The following CACNA2D3 variants were observed in gnomAD, a reference collection of about 807,000 sequenced individuals.
CACNA2D3 encodes the protein calcium voltage-gated channel auxiliary subunit alpha2delta 3.
In CACNA2D3, 60 loss-of-function variants were observed where a neutral mutation model predicts 160.6. The ratio of observed to expected loss-of-function variants is 0.37; its 90% CI spans 0.30 to 0.46. CACNA2D3 has a LOEUF of 0.46. Ranked by LOEUF, CACNA2D3 falls within the 20% of genes least tolerant of loss-of-function variation. CACNA2D3 has a pLI of 1.00. For synonymous variants in CACNA2D3, 558 were observed against 492.9 expected, an observed-to-expected ratio of 1.13 and a Z score of -1.75; for missense variants, 1,205 against 1,365.0, an observed-to-expected ratio of 0.88 and a Z score of 1.85.
intron 11 of CACNA2D3, among the ~76,000 whole-genome samples, chr3:54,750,088 G>C (rs1195414707): frequency 6.6e-6 from 1 of 152,180 alleles, no homozygotes; most frequent in Non-Finnish European, 1.5e-5. Context: ...TTTCCAAATA[G>C]GTTGCCATCT....
chr3:55,064,867 T>C (rs1704600163), intron 35 of CACNA2D3, among the ~76,000 whole-genome samples: 1 of 152,040 alleles, frequency 6.6e-6, no homozygotes, highest in African/African-American at 2.4e-5. Context: ...CATTAAGATA[T>C]ATAGGGAAAC....
chr3:54,195,425 C>T (rs948917070), intron 2 of CACNA2D3, among the ~76,000 whole-genome samples: 3 of 152,196 alleles, frequency 2.0e-5, no homozygotes, highest in African/African-American at 7.2e-5. Context: ...GAGAGTCTGA[C>T]ACAGAGATGC....
rs1699373463 is a variant in CACNA2D3 at position 54,636,456 on chromosome 3, T to A, written c.1054-5672T>A. Among the ~76,000 whole-genome samples the A allele has an allele frequency of 1.3e-5, 2 of 151,934 alleles. 1 individual carries two copies. Among genetic ancestry groups the A allele is most frequent in the South Asian group, 4.1e-4 (2 of 4,822 alleles). ...AAGGAGCCAGGGAGCAGAAAGCATATGCGTCAGGTATGAGGAAGAAAATAG... is the reference window on the plus strand; with the variant it reads ...AAGGAGCCAGGGAGCAGAAAGCATAAGCGTCAGGTATGAGGAAGAAAATAG... On this transcript the variant is annotated intron_variant, in intron 10 of 37. Transcript: ENST00000474759.
intron 14 of CACNA2D3, among the ~76,000 whole-genome samples, chr3:54,817,336 C>T (rs935560461): frequency 2.6e-5 from 4 of 152,162 alleles, no homozygotes; most frequent in African/African-American, 9.7e-5. Context: ...CCTTTGCTAG[C>T]TTCATCATCC....
chr3:54,416,778 AAT>A (rs1308379980), intron 4 of CACNA2D3, among the ~76,000 whole-genome samples: 1 of 152,194 alleles, frequency 6.6e-6, no homozygotes, highest in African/African-American at 2.4e-5. Flanking sequence ...TGCAATTATA[AAT>A]ATATAACTAT....
At chr3:55,034,808 A>C (rs967307152) in intron 35 of CACNA2D3, among the ~76,000 whole-genome samples, 1 of 152,136 alleles carries the variant, frequency 6.6e-6, no homozygotes, top group African/African-American at 2.4e-5. Flanking sequence ...AACACCACTT[A>C]GGCTCTTAAT....
At chr3:55,059,417 C>A (rs1321076714) in intron 35 of CACNA2D3, among the ~76,000 whole-genome samples, 2 of 152,152 alleles carry the variant, frequency 1.3e-5, no homozygotes, top group Admixed American at 6.5e-5. Flanking sequence ...AGTTATCTGA[C>A]CCCCCTCGCA....
At chr3:55,061,134 A>G (rs1704496692) in intron 35 of CACNA2D3, among the ~76,000 whole-genome samples, 2 of 152,270 alleles carry the variant, frequency 1.3e-5, no homozygotes, top group African/African-American at 2.4e-5. Context: ...CCTGCAGGCA[A>G]AGCATCCTTC....
At chr3:54,731,975 C>G (rs1371414237) in intron 11 of CACNA2D3, among the ~76,000 whole-genome samples, 1 of 152,184 alleles carries the variant, frequency 6.6e-6, no homozygotes, top group Non-Finnish European at 1.5e-5. Flanking sequence ...CATTTTCCCT[C>G]TTATCTTCAT....
chr3:54,183,892 GAAAAAAAAAAAA>G (rs58956795), intron 2 of CACNA2D3, among the ~76,000 whole-genome samples: 13 of 80,798 alleles, frequency 1.6e-4, no homozygotes, highest in African/African-American at 4.0e-4. Context: ...TCTCAAAAAA[GAAAAAAAAAAAA>G]AAAAAAAAAA....
At chr3:54,579,799 A>G (rs1702644336) in intron 8 of CACNA2D3, among the ~76,000 whole-genome samples, 1 of 152,130 alleles carries the variant, frequency 6.6e-6, no homozygotes, top group Non-Finnish European at 1.5e-5. Context: ...TCCTGAGCTG[A>G]TGTTCTGTTT....
chr3:54,896,281 T>C (rs1700186813), intron 25 of CACNA2D3, among the ~76,000 whole-genome samples: 2 of 152,160 alleles, frequency 1.3e-5, no homozygotes, highest in Admixed American at 1.3e-4. Flanking sequence ...TGGGCTCACA[T>C]TTACTTCCTT....
At chr3:54,951,824 GTCT>G (rs1446511872) in intron 27 of CACNA2D3, among the ~76,000 whole-genome samples, 29 of 152,156 alleles carry the variant, frequency 1.9e-4, no homozygotes, top group Non-Finnish European at 4.4e-5. Context: ...TCTATTTTCT[GTCT>G]TCTTAGGACC....
intron 8 of CACNA2D3, among the ~76,000 whole-genome samples, chr3:54,571,251 C>T (rs1414938987): frequency 6.6e-6 from 1 of 152,054 alleles, no homozygotes; most frequent in Non-Finnish European, 1.5e-5. Flanking sequence ...GCCTTCACGT[C>T]CTAGGCTTCA....
rs1474739377 is a variant in CACNA2D3, at chr3:54,925,197, G to T, written c.2449+25329G>T. 2.5e-6 allele frequency: 4 copies of T among 1,611,964 alleles called. No homozygotes were observed. Among genetic ancestry groups the T allele is most frequent in the Non-Finnish European group, 3.4e-6 (4 of 1,178,398 alleles). On this transcript the variant is annotated intron_variant, in intron 27 of 37. Transcript: ENST00000474759. ...CACCTGGAGCAGGACAATCACACTGGAAAACAGGAGCAGTTCACCTACAAC... is the reference window on the plus strand; with the variant it reads ...CACCTGGAGCAGGACAATCACACTGTAAAACAGGAGCAGTTCACCTACAAC...
intron 3 of CACNA2D3, among the ~76,000 whole-genome samples, chr3:54,335,900 A>AGGCTGAGGCAG (rs1704365486): frequency 6.8e-6 from 1 of 146,430 alleles, no homozygotes; most frequent in Non-Finnish European, 1.5e-5. Context: ...GCTACTCAGG[A>AGGCTGAGGCAG]GGCTGAGGCA....
At chr3:54,137,690 C>A (rs1699842043) in intron 2 of CACNA2D3, among the ~76,000 whole-genome samples, 1 of 152,154 alleles carries the variant, frequency 6.6e-6, no homozygotes, top group Admixed American at 6.5e-5. Context: ...CTTTGCAGTG[C>A]AGGCTGGTAT....
At chr3:54,431,375 A>G (rs1053519035) in intron 4 of CACNA2D3, among the ~76,000 whole-genome samples, 3 of 151,964 alleles carry the variant, frequency 2.0e-5, no homozygotes, top group African/African-American at 4.8e-5. Context: ...ATAAAATATA[A>G]TATAGAATAT....
intron 13 of CACNA2D3, among the ~76,000 whole-genome samples, chr3:54,781,397 T>C (rs1447826287): frequency 6.6e-6 from 1 of 152,212 alleles, no homozygotes; most frequent in African/African-American, 2.4e-5. Context: ...GTGGGCTTGA[T>C]GGTTCTCTTA....
Sources: allele counts gnomAD v4.1 joint callset (sites outside exome capture counted in the v4.1 genomes callset), GRCh38; gene constraint gnomAD v4.1.1; transcripts MANE v1.5; gene names NCBI Gene and HGNC (gene_info 2026-07-23, HGNC 2026-07-21).